SCAF8: variants seen among roughly 807,000 people sequenced by gnomAD.
SCAF8 encodes SR-related and CTD-associated factor 8.
A neutral mutation model predicts 140.5 loss-of-function variants in SCAF8; 23 were observed. That is an observed-to-expected ratio of 0.16 (90% CI 0.12 to 0.23). The LOEUF (loss-of-function observed/expected upper bound fraction) is 0.23, where lower values mean the gene tolerates loss of function less well. Ranked by LOEUF, SCAF8 falls within the 10% of genes least tolerant of loss-of-function variation. SCAF8 has a pLI of 1.00. For missense variants in SCAF8, 1,397 were observed against 1,555.7 expected, an observed-to-expected ratio of 0.90 and a Z score of 1.72; for synonymous variants, 575 against 528.9, an observed-to-expected ratio of 1.09 and a Z score of -1.20.
intron 3 of SCAF8, among the ~76,000 whole-genome samples, chr6:154,780,354 C>CTT (rs74777379): frequency 1.1e-3 from 149 of 135,446 alleles, no homozygotes; most frequent in African/African-American, 3.2e-3. Flanking sequence ...TAGTTCCTTC[C>CTT]TTTTTTTTTT....
chr6:154,759,850 G>A (rs896875276), intron 1 of SCAF8, among the ~76,000 whole-genome samples: 1 of 151,934 alleles, frequency 6.6e-6, no homozygotes, highest in Admixed American at 6.6e-5. Context: ...GTATTTTTTA[G>A]TAGAGATGGG....
intron 6 of SCAF8, among the ~76,000 whole-genome samples, chr6:154,795,771 A>G (rs191069029): frequency 2.0e-5 from 3 of 152,322 alleles, no homozygotes; most frequent in East Asian, 3.9e-4. Flanking sequence ...ATCACAAAAC[A>G]TGTACGAATT....
At position 154,812,263 on chromosome 6, in the gene SCAF8, A is replaced by G. The variant is rs114988924; in HGVS notation, c.1420+2055A>G. On this transcript the variant is annotated intron_variant, in intron 12 of 19. Transcript: ENST00000367178. The stretch of plus-strand genomic sequence containing the variant: ...CCTCTCTTGGCACTATTTTTCCAAT[A>G]GCAGGTGCCTACTTTGTCTCTATGT... 6.1e-3 allele frequency among the ~76,000 whole-genome samples: 729 copies of G among 118,696 alleles called. 7 individuals are homozygous for G. The highest frequency in any genetic ancestry group is 0.022 in the African/African-American group (685 of 30,916). 77.9% of individuals were successfully genotyped at this position (118,696 alleles called of 152,430 possible).
At chr6:154,774,097 A>AT (rs1562439046) in intron 2 of SCAF8, 25 bp downstream of exon 2, 4 of 1,449,514 alleles carry the variant, frequency 2.8e-6, no homozygotes, top group Non-Finnish European at 3.9e-6. Context: ...TTACTCTTCT[A>AT]TTTTCAAAAG....
chr6:154,793,474 CATAATTTTTTA>C (rs1003920349), intron 5 of SCAF8, among the ~76,000 whole-genome samples: 18 of 150,980 alleles, frequency 1.2e-4, no homozygotes, highest in Non-Finnish European at 2.5e-4. Flanking sequence ...ATAATTTTTT[CATAATTTTTTA>C]AATAATTTTT....
chr6:154,770,636 T>C (rs1583019833), intron 1 of SCAF8, among the ~76,000 whole-genome samples: 1 of 152,234 alleles, frequency 6.6e-6, no homozygotes, highest in Non-Finnish European at 1.5e-5. Context: ...TTGTCGACCA[T>C]TGTCATGAAC....
chr6:154,785,355 A>G (rs1777221684), intron 3 of SCAF8, among the ~76,000 whole-genome samples: 1 of 152,206 alleles, frequency 6.6e-6, no homozygotes, highest in African/African-American at 2.4e-5. Flanking sequence ...GCATTTCTGT[A>G]GGAGTGGAAT....
chr6:154,812,602 T>C (rs983396059), intron 12 of SCAF8, among the ~76,000 whole-genome samples: 8 of 152,180 alleles, frequency 5.3e-5, no homozygotes, highest in African/African-American at 9.7e-5. Context: ...GTATTCTTTC[T>C]TAACACATTT....
intron 1 of SCAF8, among the ~76,000 whole-genome samples, chr6:154,771,422 A>G (rs1246934807): frequency 2.6e-5 from 4 of 152,192 alleles, no homozygotes; most frequent in African/African-American, 4.8e-5. Flanking sequence ...GTGTGTCTAG[A>G]ATAGAAGGCT....
rs756006587 is a variant in SCAF8, at chr6:154,820,163, C to A, written c.1636-14C>A. The A allele has an allele frequency of 1.3e-6, 2 of 1,552,810 alleles. No individual in the cohort carries two copies. Among genetic ancestry groups the A allele is most frequent in the East Asian group, 2.3e-5 (1 of 43,524 alleles). Reference sequence around the variant, plus strand: ...TGTATAACCTTTCTTTTTTCCTCTTCCCATTTACAATAGATCGCTTGGGCT... The same window carrying A: ...TGTATAACCTTTCTTTTTTCCTCTTACCATTTACAATAGATCGCTTGGGCT... On this transcript the variant is annotated splice_polypyrimidine_tract_variant and intron_variant, in intron 14 of 19. Transcript: ENST00000367178.
At chr6:154,793,814 T>TC (rs1554261607) in intron 5 of SCAF8, among the ~76,000 whole-genome samples, 1 of 29,898 alleles carries the variant, frequency 3.3e-5, no homozygotes, top group Non-Finnish European at 5.4e-5. Context: ...AAACTCTGTC[T>TC]CAAAAAAAAA....
intron 17 of SCAF8, among the ~76,000 whole-genome samples, chr6:154,825,518 A>T (rs1316352670): frequency 6.6e-6 from 1 of 151,816 alleles, no homozygotes; most frequent in Non-Finnish European, 1.5e-5. Flanking sequence ...TACAAAAAAT[A>T]AGAAAGTAGC....
At chr6:154,822,175 C>T in intron 15 of SCAF8, 101 bp from the exon 16 acceptor site, 1 of 1,247,088 alleles carries the variant, frequency 8.0e-7, no homozygotes, top group Non-Finnish European at 1.1e-6. Context: ...AAAGATGTGC[C>T]AAGGTAGATG....
rs1028673459 is a variant in SCAF8 at position 154,800,269 on chromosome 6, T to G, written c.607-1702T>G. 1.3e-5 allele frequency among the ~76,000 whole-genome samples: 2 copies of G among 151,542 alleles called. 1 individual carries two copies. The highest frequency in any genetic ancestry group is 2.9e-5 in the Non-Finnish European group (2 of 67,798). On this transcript the variant is annotated intron_variant, in intron 6 of 19. Coordinates refer to ENST00000367178, the MANE Select transcript of SCAF8 (RefSeq NM_014892.5). ...AACTAGGGCAAGAATTTTTTGTGGT[T>G]GTTGACAGCTGCCTGTCCAATGTCT... is the stretch of plus-strand genomic sequence containing the variant.
In SCAF8 at chr6:154,733,916, A is replaced by T. The variant is rs563967123; in HGVS notation, c.16A>T (p.Thr6Ser). The T allele has an allele frequency of 1.9e-6, 3 of 1,539,862 alleles. No homozygotes were observed. Among genetic ancestry groups the T allele is most frequent in the Middle Eastern group, 1.7e-4 (1 of 5,830 alleles). Residue 6 changes from threonine to serine, a missense_variant, in exon 1 of 20, where the codon ACC becomes TCC. Physicochemically the swap from Thr to Ser is moderately conservative, Grantham distance 58 (BLOSUM62 1). Around this residue, in one of 5 missense-constraint regions of SCAF8, gnomAD observed 26 missense variants for 20.9 expected, o/e 1.25. Transcript: ENST00000367178. ...CAGCGACAACATGGAGGCCGTGAAG[A>T]CCTTCAATAGCGAGGTTGGTATGGC... MEAVK[T>S]FNSELYSLND...
chr6:154,780,832 T>C (rs1777063611), intron 3 of SCAF8, among the ~76,000 whole-genome samples: 1 of 152,202 alleles, frequency 6.6e-6, no homozygotes, highest in Non-Finnish European at 1.5e-5. Flanking sequence ...GCAGTAAACA[T>C]ACGTGTGCAT....
intron 3 of SCAF8, among the ~76,000 whole-genome samples, chr6:154,784,491 TCA>T (rs1777194225): frequency 6.6e-6 from 1 of 152,164 alleles, no homozygotes; most frequent in African/African-American, 2.4e-5. Flanking sequence ...ATAATTACAG[TCA>T]CTCTTCCGTT....
At chr6:154,826,549 C>T (rs1778571906) in intron 17 of SCAF8, among the ~76,000 whole-genome samples, 1 of 151,886 alleles carries the variant, frequency 6.6e-6, no homozygotes, top group African/African-American at 2.4e-5. Flanking sequence ...CTTTATATTT[C>T]AAAAAATGCA....
In SCAF8 at chr6:154,832,228, A is replaced by G. The variant is rs1778765995; in HGVS notation, c.2649A>G (p.Val883=). 2.5e-6 allele frequency: 4 copies of G among 1,614,014 alleles called. No homozygotes were observed. Among genetic ancestry groups the G allele is most frequent in the East Asian group, 2.2e-5 (1 of 44,902 alleles). Residue 883 remains valine (V), a synonymous_variant, in exon 20 of 20, where the codon GTA becomes GTG. Coordinates refer to ENST00000367178, the MANE Select transcript of SCAF8 (RefSeq NM_014892.5). ...PPNIPNNSGL[V]GVQPPNVPNT... ...ATATACCTAACAATTCTGGACTTGT[A>G]GGAGTACAGCCACCAAATGTTCCAA...
Sources: gnomAD v4.1 joint callset for allele counts (sites outside exome capture counted in the v4.1 genomes callset) on GRCh38, gnomAD v4.1.1 for gene constraint, gnomAD v4.1.1 regional missense constraint, MANE v1.5 for transcripts, NCBI Gene and HGNC (gene_info 2026-07-23, HGNC 2026-07-21) for gene names.